The following SNTG1 variants were observed in gnomAD, a reference collection of about 807,000 sequenced individuals.
SNTG1 encodes syntrophin gamma 1.
In SNTG1, 39 loss-of-function variants were observed where a neutral mutation model predicts 74.7. That is an observed-to-expected ratio of 0.52 (90% confidence interval 0.40 to 0.68). The LOEUF (loss-of-function observed/expected upper bound fraction) is 0.68. SNTG1 is among the 30% of genes least tolerant of loss of function. The pLI is 0.00. For missense variants in SNTG1, 685 were observed against 609.5 expected (o/e 1.12, Z -1.30); for synonymous variants, 254 against 217.1 (o/e 1.17, Z -1.49).
intron 2 of SNTG1, among the ~76,000 whole-genome samples, chr8:50,317,556 T>G (rs142792628): frequency 6.6e-6 from 1 of 152,248 alleles, no homozygotes; most frequent in African/African-American, 2.4e-5. Flanking sequence ...AGGATGATGG[T>G]GTATGAAACG....
chr8:50,646,091 C>T (rs1303862061), intron 13 of SNTG1, among the ~76,000 whole-genome samples: 1 of 152,130 alleles, frequency 6.6e-6, no homozygotes, highest in Non-Finnish European at 1.5e-5. Flanking sequence ...TCCAATATGT[C>T]GTATTTGGAA....
chr8:50,358,006 T>A (rs898012468), intron 2 of SNTG1, among the ~76,000 whole-genome samples: 3 of 152,156 alleles, frequency 2.0e-5, no homozygotes, highest in Non-Finnish European at 2.9e-5. Flanking sequence ...TCTTATTTTT[T>A]AAAAATCCAA....
chr8:50,333,478 C>T (rs1263067933), intron 2 of SNTG1, among the ~76,000 whole-genome samples: 1 of 152,160 alleles, frequency 6.6e-6, no homozygotes, highest in Non-Finnish European at 1.5e-5. Flanking sequence ...TAACTGGTAC[C>T]ATGTTTATAA....
intron 1 of SNTG1, among the ~76,000 whole-genome samples, chr8:50,078,621 T>A (rs1822116838): frequency 6.6e-6 from 1 of 152,208 alleles, no homozygotes; most frequent in Non-Finnish European, 1.5e-5. Flanking sequence ...GGTAAACATG[T>A]GCCATGGTGG....
chr8:50,402,390 G>C (rs2092818396), intron 4 of SNTG1, 46 bp downstream of exon 4: 1 of 1,553,152 alleles, frequency 6.4e-7, no homozygotes, highest in African/African-American at 1.4e-5. Context: ...TTTGTTTTTT[G>C]TTAATAAAAA....
rs184977337 is a variant in SNTG1 at position 50,770,519 on chromosome 8, G to A, written c.1395+18408G>A. 1.1e-3 allele frequency among the ~76,000 whole-genome samples: 164 copies of A among 152,202 alleles called. 1 individual carries two copies. Among genetic ancestry groups the A allele is most frequent in the African/African-American group, 3.8e-3 (158 of 41,550 alleles). ...AGCACCTCAGAACCCACTGAAGGGT[G>A]TGGGCTGGGCTTGCAGATTCTAAAA... On this transcript the variant is annotated intron_variant, in intron 18 of 18. Transcript: ENST00000642720.
At position 50,168,128 on chromosome 8, in the gene SNTG1, C is replaced by A. The variant is rs2082689357; in HGVS notation, c.-102-4433C>A. On this transcript the variant is annotated intron_variant, in intron 1 of 18. Transcript: ENST00000642720. ...ATGATAACACTTAAGCAAGTTAAATCATTAATAATCTTTTTCTAAAATGTT... is the reference window on the plus strand; with the variant it reads ...ATGATAACACTTAAGCAAGTTAAATAATTAATAATCTTTTTCTAAAATGTT... Among the ~76,000 whole-genome samples, 3 of 151,936 alleles carry A rather than the reference C, an allele frequency of 2.0e-5. No homozygotes were observed. The East Asian group carries it at 5.8e-4, about 29-fold the overall frequency.
intron 15 of SNTG1, among the ~76,000 whole-genome samples, chr8:50,683,210 C>T (rs1471069374): frequency 6.6e-6 from 1 of 152,030 alleles, no homozygotes; most frequent in Non-Finnish European, 1.5e-5. Context: ...TTTCTGTAGC[C>T]CCCAAATAAA....
chr8:50,041,017 C>G (rs1417218556), intron 1 of SNTG1, among the ~76,000 whole-genome samples: 2 of 152,132 alleles, frequency 1.3e-5, no homozygotes, highest in Non-Finnish European at 2.9e-5. Context: ...CTGCCTCAGC[C>G]TCCCAAGTAA....
intron 12 of SNTG1, among the ~76,000 whole-genome samples, chr8:50,560,276 T>C (rs1444724363): frequency 1.3e-5 from 2 of 152,154 alleles, no homozygotes; most frequent in Non-Finnish European, 2.9e-5. Context: ...TGTGGGAATA[T>C]AAATTAGTTC....
chr8:50,063,612 C>G (rs1466540510), intron 1 of SNTG1, among the ~76,000 whole-genome samples: 1 of 152,166 alleles, frequency 6.6e-6, no homozygotes, highest in Non-Finnish European at 1.5e-5. Context: ...TATGACCAAA[C>G]CACTTCTGAT....
intron 2 of SNTG1, among the ~76,000 whole-genome samples, chr8:50,345,352 G>A (rs2091440415): frequency 6.6e-6 from 1 of 152,128 alleles, no homozygotes; most frequent in African/African-American, 2.4e-5. Flanking sequence ...CTGAGGCTCT[G>A]TTTTAGTGCC....
chr8:50,173,933 C>A (rs13266296), intron 2 of SNTG1, among the ~76,000 whole-genome samples: 5,590 of 152,244 alleles, frequency 0.037, 149 homozygotes, highest in Non-Finnish European at 0.056. Context: ...AACCCATCAT[C>A]TAGGTTTTAA....
intron 4 of SNTG1, among the ~76,000 whole-genome samples, chr8:50,434,591 T>G (rs1251015117): frequency 1.3e-5 from 2 of 152,202 alleles, no homozygotes; most frequent in Non-Finnish European, 2.9e-5. Context: ...CTAACTGGTG[T>G]GAGATGGTAT....
intron 1 of SNTG1, among the ~76,000 whole-genome samples, chr8:49,938,587 C>CTTTTTTTTT (rs756104336): frequency 4.8e-5 from 2 of 42,054 alleles, no homozygotes; most frequent in African/African-American, 1.6e-4. Context: ...CTTTTCTTTT[C>CTTTTTTTTT]TTTTCTTTTC....
intron 1 of SNTG1, among the ~76,000 whole-genome samples, chr8:50,079,011 A>G (rs990335964): frequency 2.6e-5 from 4 of 152,350 alleles, no homozygotes; most frequent in African/African-American, 4.8e-5. Context: ...TAGTGCTGCA[A>G]TAAACATACA....
intron 8 of SNTG1, among the ~76,000 whole-genome samples, chr8:50,460,756 G>A (rs916108497): frequency 1.3e-5 from 2 of 152,004 alleles, no homozygotes; most frequent in Non-Finnish European, 2.9e-5. Flanking sequence ...TTTCTTGATT[G>A]TTTATTTTTG....
At chr8:50,476,857 G>GACACAGACACACAC (rs1554540526) in intron 8 of SNTG1, among the ~76,000 whole-genome samples, 1 of 145,862 alleles carries the variant, frequency 6.9e-6, no homozygotes, top group African/African-American at 2.5e-5. Flanking sequence ...GACACACACA[G>GACACAGACACACAC]ACACACACAC....
intron 12 of SNTG1, among the ~76,000 whole-genome samples, chr8:50,572,275 T>TATATATAGAGAGAG (rs567247331): frequency 1.3e-5 from 2 of 148,310 alleles, no homozygotes; most frequent in African/African-American, 5.0e-5. Flanking sequence ...TATATATATA[T>TATATATAGAGAGAG]AGAGAGAGAG....
Sources: gnomAD v4.1 joint callset for allele counts (sites outside exome capture counted in the v4.1 genomes callset) on GRCh38, gnomAD v4.1.1 for gene constraint, MANE v1.5 for transcripts, NCBI Gene and HGNC (gene_info 2026-07-23, HGNC 2026-07-21) for gene names.